Variants in PEAK1 observed in about 807,000 individuals in gnomAD.
The protein encoded by PEAK1 is pseudopodium enriched atypical kinase 1.
PEAK1 carries 54 observed loss-of-function variants against 124.7 expected under a neutral mutation model. The ratio of observed to expected loss-of-function variants is 0.43; its 90% CI spans 0.35 to 0.54. The LOEUF is 0.54. Among genes scored for constraint, PEAK1 ranks in the 20% least tolerant of loss-of-function variants. The pLI is 0.01. For synonymous variants in PEAK1, 719 were observed against 760.0 expected, an observed-to-expected ratio of 0.95 and a Z score of 0.89; for missense variants, 2,046 against 2,134.5, an observed-to-expected ratio of 0.96 and a Z score of 0.82.
chr15:77,411,291 G>A (rs1042970154), intron 1 of PEAK1, among the ~76,000 whole-genome samples: 1 of 152,112 alleles, frequency 6.6e-6, no homozygotes, highest in Non-Finnish European at 1.5e-5. Context: ...GTAGCAGAGA[G>A]CCAAAAATTA....
intron 2 of PEAK1, among the ~76,000 whole-genome samples, chr15:77,362,025 G>C (rs962455089): frequency 1.1e-4 from 17 of 152,148 alleles, no homozygotes; most frequent in African/African-American, 4.1e-4. Flanking sequence ...TTGGTAGTAG[G>C]GAGGGAGGGA....
At position 77,180,124 on chromosome 15, in the gene PEAK1, A is replaced by G; in HGVS notation, c.1803T>C (p.Ala601=). ...TGATAATTGGAAAAGGTGGCATACCAGCATTGTTATAACTATTAAATTTAA... is the reference window on the plus strand; with the variant it reads ...TGATAATTGGAAAAGGTGGCATACCGGCATTGTTATAACTATTAAATTTAA... ...SEIKFNSYNN[A]GMPPFPIIIH... The change falls in exon 7 of 10, where the codon GCT becomes GCC. Residue 601 remains alanine (A), a synonymous_variant. Coordinates refer to ENST00000682557, the MANE Select transcript of PEAK1 (RefSeq NM_001385026.1). The G allele has an allele frequency of 6.2e-7, 1 of 1,614,228 alleles. No homozygotes were observed. Among genetic ancestry groups the G allele is most frequent in the Non-Finnish European group, 8.5e-7 (1 of 1,180,032 alleles).
chr15:77,183,836 C>CT (rs1199367805), intron 6 of PEAK1, among the ~76,000 whole-genome samples: 3 of 151,040 alleles, frequency 2.0e-5, no homozygotes, highest in Non-Finnish European at 3.0e-5. Flanking sequence ...GATTTTTGAT[C>CT]TTTTTTTTTG....
chr15:77,166,957 A>T (rs1348422454), intron 7 of PEAK1, among the ~76,000 whole-genome samples: 1 of 152,192 alleles, frequency 6.6e-6, no homozygotes, highest in Non-Finnish European at 1.5e-5. Context: ...TTAAAATTGC[A>T]GGTTCTCAGC....
At chr15:77,335,310 A>C in intron 2 of PEAK1, 1 of 985,400 alleles carries the variant, frequency 1.0e-6, no homozygotes, top group African/African-American at 1.7e-5. Context: ...TTCTGGCATG[A>C]GTGGCATTAA....
At position 77,114,298 on chromosome 15, in the gene PEAK1, GT is replaced by G; in HGVS notation, c.5098del (p.Thr1700HisfsTer4). 6.2e-7 allele frequency: 1 copy of G among 1,614,222 alleles called. No individual in the cohort carries two copies. On this transcript the variant is annotated frameshift_variant, in exon 10 of 10. Transcript: ENST00000682557. LOFTEE classifies it high-confidence loss of function. ...LLQNWLDIKR[T>X]LLMIKFAEKS... Reference sequence around the variant, plus strand: ...CTCAGCAAACTTGATCATGAGCAGTGTTCGCTTGATGTCTAGCCAGTTTTGG... The same window carrying G: ...CTCAGCAAACTTGATCATGAGCAGTGTCGCTTGATGTCTAGCCAGTTTTGG...
intron 8 of PEAK1, among the ~76,000 whole-genome samples, chr15:77,148,339 T>C: frequency 6.6e-6 from 1 of 152,142 alleles, no homozygotes; most frequent in Non-Finnish European, 1.5e-5. Flanking sequence ...AATGTGAGAA[T>C]TACACAACAA....
intron 8 of PEAK1, among the ~76,000 whole-genome samples, chr15:77,150,151 GTTTT>G (rs889806661): frequency 6.6e-6 from 1 of 150,718 alleles, no homozygotes; most frequent in Non-Finnish European, 1.5e-5. Context: ...AAGTGATGAT[GTTTT>G]TTTTAAGTCT....
At chr15:77,245,953 A>C (rs2060563466) in intron 6 of PEAK1, among the ~76,000 whole-genome samples, 1 of 151,208 alleles carries the variant, frequency 6.6e-6, no homozygotes, top group South Asian at 2.1e-4. Flanking sequence ...TAGTTCCTTT[A>C]CCTTTCCAAA....
chr15:77,185,634 G>A (rs1291148157), intron 6 of PEAK1, among the ~76,000 whole-genome samples: 3 of 152,220 alleles, frequency 2.0e-5, no homozygotes, highest in African/African-American at 7.2e-5. Flanking sequence ...ACTGCAGTGA[G>A]TTGAAGAGTG....
At chr15:77,139,536 A>C (rs1490692663) in intron 8 of PEAK1, among the ~76,000 whole-genome samples, 1 of 152,178 alleles carries the variant, frequency 6.6e-6, no homozygotes, top group African/African-American at 2.4e-5. Flanking sequence ...CTATGTCACT[A>C]GGTAACAGGA....
intron 1 of PEAK1, chr15:77,381,505 C>T (rs1286962510): frequency 2.1e-6 from 2 of 957,474 alleles, no homozygotes; most frequent in Non-Finnish European, 2.5e-6. Context: ...CTGACATTAC[C>T]AACAAACTTT....
chr15:77,263,206 G>A (rs927841480), intron 5 of PEAK1, among the ~76,000 whole-genome samples: 6 of 152,082 alleles, frequency 3.9e-5, no homozygotes, highest in Admixed American at 1.3e-4. Flanking sequence ...AGAGAAGCAA[G>A]AGGAAACACA....
chr15:77,299,054 A>T (rs2152989058), intron 2 of PEAK1, among the ~76,000 whole-genome samples: 1 of 152,330 alleles, frequency 6.6e-6, no homozygotes, highest in Middle Eastern at 3.4e-3. Flanking sequence ...CAACAGGCCA[A>T]CAAAAAGCAA....
intron 1 of PEAK1, among the ~76,000 whole-genome samples, chr15:77,383,205 T>C (rs2069633920): frequency 6.6e-6 from 1 of 152,042 alleles, no homozygotes; most frequent in South Asian, 2.1e-4. Flanking sequence ...TTTGTATTTT[T>C]AGTAGAGATG....
At chr15:77,386,294 G>A (rs1256531077) in intron 1 of PEAK1, among the ~76,000 whole-genome samples, 1 of 152,146 alleles carries the variant, frequency 6.6e-6, no homozygotes, top group Non-Finnish European at 1.5e-5. Context: ...GTTATTATTA[G>A]AATGAGCATC....
At chr15:77,141,742 T>C (rs1303876680) in intron 8 of PEAK1, among the ~76,000 whole-genome samples, 2 of 152,202 alleles carry the variant, frequency 1.3e-5, no homozygotes, top group Admixed American at 6.5e-5. Context: ...GGCCAACTGA[T>C]TTTTGACAAG....
chr15:77,321,998 T>A (rs1397527278), intron 2 of PEAK1, among the ~76,000 whole-genome samples: 1 of 152,152 alleles, frequency 6.6e-6, no homozygotes, highest in Admixed American at 6.6e-5. Context: ...CTCGACTACA[T>A]GGAAACGGAA....
intron 2 of PEAK1, chr15:77,346,262 T>C (rs1236021513): frequency 1.8e-5 from 17 of 929,404 alleles, no homozygotes; most frequent in Non-Finnish European, 2.1e-5. Context: ...AAATAAATGT[T>C]GCTGTCTTGA....
Sources: allele counts gnomAD v4.1 joint callset (sites outside exome capture counted in the v4.1 genomes callset), GRCh38; gene constraint gnomAD v4.1.1; transcripts MANE v1.5; gene names NCBI Gene and HGNC (gene_info 2026-07-23, HGNC 2026-07-21).